Variants in ZNF280B observed in about 807,000 individuals in gnomAD.
ZNF280B encodes zinc finger protein 280B.
In ZNF280B, 16 loss-of-function variants were observed where a neutral mutation model predicts 38.0. That is an observed-to-expected ratio of 0.42 (90% confidence interval 0.28 to 0.64). The LOEUF (loss-of-function observed/expected upper bound fraction) is 0.64, where lower values mean the gene tolerates loss of function less well. ZNF280B is among the 30% of genes least tolerant of loss of function. ZNF280B has a pLI of 0.21. For missense variants in ZNF280B, 581 were observed against 639.6 expected, an observed-to-expected ratio of 0.91 and a Z score of 0.99; for synonymous variants, 253 against 230.6, an observed-to-expected ratio of 1.10 and a Z score of -0.88.
At chr22:22,504,540 T>A (rs1365478805) in intron 2 of ZNF280B, among the ~76,000 whole-genome samples, 1 of 151,958 alleles carries the variant, frequency 6.6e-6, no homozygotes, top group Non-Finnish European at 1.5e-5. Context: ...AAGGTAATAT[T>A]GCTGCATTAG....
chr22:22,492,908 C>A (rs2146782066), intron 3 of ZNF280B, among the ~76,000 whole-genome samples: 1 of 151,298 alleles, frequency 6.6e-6, no homozygotes, highest in South Asian at 2.1e-4. Context: ...AGAAAATATT[C>A]TAATTCACAA....
intron 3 of ZNF280B, among the ~76,000 whole-genome samples, chr22:22,491,819 C>T (rs1184225802): frequency 6.6e-6 from 1 of 151,826 alleles, no homozygotes; most frequent in African/African-American, 2.4e-5. Flanking sequence ...TCAGTTAAGC[C>T]TCATCACTAG....
chr22:22,501,242 G>C (rs1042245300), intron 2 of ZNF280B, among the ~76,000 whole-genome samples: 1 of 151,670 alleles, frequency 6.6e-6, no homozygotes, highest in African/African-American at 2.4e-5. Context: ...AATTATATGC[G>C]TTTTTACCAC....
chr22:22,489,003 T>A lies in ZNF280B; in HGVS notation c.396A>T (p.Gln132His). Residue 132 changes from glutamine to histidine, a missense_variant, in exon 4 of 4, where the codon CAA becomes CAT. Physicochemically the swap from Gln to His is conservative, Grantham distance 24 (BLOSUM62 0). Coordinates refer to ENST00000626650, the MANE Select transcript of ZNF280B (RefSeq NM_080764.4). ...SKPDYRNSSP[Q>H]VVPNNSSELP... The stretch of plus-strand genomic sequence containing the variant: ...ATTCTGAAGAGTTATTAGGCACAAC[T>A]TGTGGTGAACTATTTCTATAATCAG... 1 of 1,613,828 alleles carries A rather than the reference T, an allele frequency of 6.2e-7. No homozygotes were observed. The highest frequency in any genetic ancestry group is 8.5e-7 in the Non-Finnish European group (1 of 1,179,948).
In ZNF280B at chr22:22,488,784, T is replaced by A; in HGVS notation, c.615A>T (p.Ser205=). 2 of 1,613,852 alleles carry A rather than the reference T, an allele frequency of 1.2e-6. No individual in the cohort carries two copies. The highest frequency in any genetic ancestry group is 8.5e-7 in the Non-Finnish European group (1 of 1,179,962). Residue 205 remains serine, a synonymous_variant, in exon 4 of 4, where the codon TCA becomes TCT. Transcript: ENST00000626650. ...IEGNSSASFP[S]DTFHTMNTQQ... The stretch of plus-strand genomic sequence containing the variant: ...GAGTATTCATTGTATGAAAGGTATC[T>A]GAAGGGAATGAAGCTGAAGAATTTC...
Position 22,487,615 on chromosome 22 carries a change from T to C in ZNF280B, c.*152A>G. ...ATACCTCAAAATTCAGATCAAATAA[T>C]ATATATCCTGAATCTTGTTTAAAAA... On this transcript the variant is annotated 3_prime_UTR_variant, in exon 4 of 4. Transcript: ENST00000626650. 2 of 608,950 alleles carry C rather than the reference T, an allele frequency of 3.3e-6. No homozygotes were observed. Among genetic ancestry groups the C allele is most frequent in the Non-Finnish European group, 5.4e-6 (2 of 369,522 alleles). 37.7% of individuals were successfully genotyped at this position (608,950 alleles called of 1,614,324 possible). A position where few individuals can be genotyped will look rare whatever the true frequency, so the allele number is the denominator to read the frequency against.
At position 22,489,534 on chromosome 22, in the gene ZNF280B, T is replaced by C. The variant is rs545091367; in HGVS notation, c.-68-68A>G. The C allele has an allele frequency of 5.0e-5, 39 of 774,414 alleles. No homozygotes were observed. The Middle Eastern group carries it at 2.2e-3, about 43-fold the overall frequency. 48.0% of individuals were successfully genotyped at this position (774,414 alleles called of 1,614,324 possible). A position where few individuals can be genotyped will look rare whatever the true frequency, so the allele number is the denominator to read the frequency against. On this transcript the variant is annotated intron_variant, in intron 3 of 3. Coordinates refer to ENST00000626650, the MANE Select transcript of ZNF280B (RefSeq NM_080764.4). Reference sequence around the variant, plus strand: ...CCTTATTTAATTTTCCTCCAAAACATTGTTTTTATAAACCACTATTTTACC... The same window carrying C: ...CCTTATTTAATTTTCCTCCAAAACACTGTTTTTATAAACCACTATTTTACC...
chr22:22,491,354 T>G (rs4822059), intron 3 of ZNF280B, among the ~76,000 whole-genome samples: 22,453 of 151,556 alleles, frequency 0.15, 1,942 homozygotes, highest in South Asian at 0.29. Flanking sequence ...AAAAAAAAGT[T>G]ATATGGAGTC....
intron 2 of ZNF280B, among the ~76,000 whole-genome samples, chr22:22,498,693 A>G (rs891975554): frequency 6.6e-6 from 1 of 151,666 alleles, no homozygotes; most frequent in Non-Finnish European, 1.5e-5. Context: ...AGAAGAGGAG[A>G]GAAAACTTTG....
rs1202757995 is a variant in ZNF280B at position 22,488,109 on chromosome 22, CTT to C, written c.1288_1289del (p.Lys430GlufsTer22). Reference protein sequence around the residue: ...THFRTCHENTKNLLCPFCLKI... With the variant: ...THFRTCHENTXNLLCPFCLKI... ...TGAGACAAAAGGGACAAAGCAAATTCTTTGTGTTTTCATGGCACGTTCTAAAA... is the reference window on the plus strand; with the variant it reads ...TGAGACAAAAGGGACAAAGCAAATTCTGTGTTTTCATGGCACGTTCTAAAA... On this transcript the variant is annotated frameshift_variant, in exon 4 of 4. Transcript: ENST00000626650. LOFTEE classifies it high-confidence loss of function. 2 of 1,613,822 alleles carry C rather than the reference CTT, an allele frequency of 1.2e-6. No individual in the cohort carries two copies. Among genetic ancestry groups the C allele is most frequent in the East Asian group, 2.2e-5 (1 of 44,800 alleles).
rs922773764 is a variant in ZNF280B at position 22,488,322 on chromosome 22, C to T, written c.1077G>A (p.Gln359=). 2 of 1,613,896 alleles carry T rather than the reference C, an allele frequency of 1.2e-6. No individual in the cohort carries two copies. The highest frequency in any genetic ancestry group is 3.3e-5 in the Admixed American group (2 of 59,982). Residue 359 remains glutamine, a synonymous_variant, in exon 4 of 4, where the codon CAG becomes CAA. Transcript: ENST00000626650. ...HRQFPTPFQL[Q]CHIENVHTAQ... is the part of the protein sequence containing the mutation. ...CAGTGTGGACATTTTCGATGTGACA[C>T]TGTAGCTGGAAGGGAGTGGGAAACT...
intron 3 of ZNF280B, among the ~76,000 whole-genome samples, chr22:22,493,441 C>T (rs2146785342): frequency 6.6e-6 from 1 of 152,116 alleles, no homozygotes; most frequent in East Asian, 2.0e-4. Context: ...CTAAAACTGA[C>T]TTAGTGCACA....
intron 2 of ZNF280B, among the ~76,000 whole-genome samples, chr22:22,502,992 G>A (rs1480751098): frequency 6.6e-6 from 1 of 151,980 alleles, no homozygotes; most frequent in Non-Finnish European, 1.5e-5. Flanking sequence ...TGTGAAGACA[G>A]AAGCAAAGAT....
intron 2 of ZNF280B, among the ~76,000 whole-genome samples, chr22:22,504,328 G>A (rs1170886644): frequency 6.6e-6 from 1 of 151,618 alleles, no homozygotes; most frequent in East Asian, 2.0e-4. Context: ...AGCTACTCAG[G>A]AGGCAGGAGA....
At chr22:22,493,669 G>A (rs1021303514) in intron 3 of ZNF280B, among the ~76,000 whole-genome samples, 8 of 151,828 alleles carry the variant, frequency 5.3e-5, no homozygotes, top group African/African-American at 9.7e-5. Context: ...AGCCCAGGCC[G>A]CAACTTCTAG....
In ZNF280B at chr22:22,488,450, T is replaced by C; in HGVS notation, c.949A>G (p.Lys317Glu). The change falls in exon 4 of 4, where the codon AAA becomes GAA. Residue 317 changes from lysine (K) to glutamate (E), a missense_variant. Coordinates refer to ENST00000626650, the MANE Select transcript of ZNF280B (RefSeq NM_080764.4). ...FKCLSCVKVL[K>E]NVKFMNHVKH... ...ACGTGATTCATAAACTTAACATTTT[T>C]TAGAACTTTCACGCAGCTGAGGCAT... 1 of 1,613,906 alleles carries C rather than the reference T, an allele frequency of 6.2e-7. No individual in the cohort carries two copies. The highest frequency in any genetic ancestry group is 8.5e-7 in the Non-Finnish European group (1 of 1,179,990).
rs202206513 is a variant in ZNF280B at position 22,488,899 on chromosome 22, T to C, written c.500A>G (p.Glu167Gly). The change falls in exon 4 of 4, where the codon GAA (glutamate) becomes GGA (glycine). Residue 167 changes from glutamate (E) to glycine (G), a missense_variant. Glu to Gly is a moderately conservative substitution (Grantham distance 98). Transcript: ENST00000626650. ...STALSVGGIN[E>G]SPRVSKQLST... ...AAGTTGCTTTGATACACGAGGACTTTCATTTATACCTCCTACTGAAAGTGC... is the reference window on the plus strand; with the variant it reads ...AAGTTGCTTTGATACACGAGGACTTCCATTTATACCTCCTACTGAAAGTGC... 14 of 1,613,766 alleles carry C rather than the reference T, an allele frequency of 8.7e-6. No individual in the cohort carries two copies. In the East Asian group the frequency reaches 2.2e-4, roughly 26 times the overall value.
chr22:22,505,917 G>A (rs965320760), intron 2 of ZNF280B, among the ~76,000 whole-genome samples: 14 of 151,944 alleles, frequency 9.2e-5, no homozygotes, highest in Non-Finnish European at 1.6e-4. Flanking sequence ...ATAGACTTTA[G>A]AGAGTAATAG....
chr22:22,488,836 G>C lies in ZNF280B; in HGVS notation c.563C>G (p.Ala188Gly). 1 of 1,613,776 alleles carries C rather than the reference G, an allele frequency of 6.2e-7. No homozygotes were observed. Among genetic ancestry groups the C allele is most frequent in the Admixed American group, 1.7e-5 (1 of 59,974 alleles). ...FEVNSINPKR[A>G]KLRDGIIEGN... ...TTCTATAATTCCATCCCTGAGTTTA[G>C]CCCTTTTGGGATTTATGCTGTTTAC... The change falls in exon 4 of 4, where the codon GCT becomes GGT. Residue 188 changes from alanine to glycine, a missense_variant. Coordinates refer to ENST00000626650, the MANE Select transcript of ZNF280B (RefSeq NM_080764.4).
Sources: gnomAD v4.1 joint callset for allele counts (sites outside exome capture counted in the v4.1 genomes callset) on GRCh38, gnomAD v4.1.1 for gene constraint, MANE v1.5 for transcripts, NCBI Gene and HGNC (gene_info 2026-07-23, HGNC 2026-07-21) for gene names.